Variants in FILIP1 observed in about 807,000 individuals in gnomAD.
The protein encoded by FILIP1 is filamin A interacting protein 1.
A neutral mutation model predicts 102.1 loss-of-function variants in FILIP1; 61 were observed. The ratio of observed to expected loss-of-function variants is 0.60; its 90% CI spans 0.49 to 0.74. The LOEUF is 0.74. Among genes scored for constraint, FILIP1 ranks in the 30% least tolerant of loss-of-function variants. The pLI is 0.00. For missense variants in FILIP1, 1,314 were observed against 1,441.2 expected, an observed-to-expected ratio of 0.91 and a Z score of 1.43; for synonymous variants, 491 against 526.9, an observed-to-expected ratio of 0.93 and a Z score of 0.93.
intron 1 of FILIP1, among the ~76,000 whole-genome samples, chr6:75,420,288 GA>G (rs933918764): frequency 3.0e-4 from 42 of 137,862 alleles, no homozygotes; most frequent in Middle Eastern, 3.8e-3. Flanking sequence ...AAAATTTCCA[GA>G]AAAAAAAAAA....
intron 4 of FILIP1, among the ~76,000 whole-genome samples, chr6:75,322,175 C>T (rs2149565145): frequency 6.6e-6 from 1 of 152,238 alleles, no homozygotes; most frequent in Non-Finnish European, 1.5e-5. Flanking sequence ...TAGCATGTAT[C>T]TATTCACAAA....
At chr6:75,378,965 C>T (rs775547290) in intron 2 of FILIP1, among the ~76,000 whole-genome samples, 1 of 152,060 alleles carries the variant, frequency 6.6e-6, no homozygotes, top group Non-Finnish European at 1.5e-5. Flanking sequence ...AACACATGAC[C>T]CTCATTTCAA....
At chr6:75,417,544 T>C (rs895167944) in intron 1 of FILIP1, among the ~76,000 whole-genome samples, 2 of 152,244 alleles carry the variant, frequency 1.3e-5, no homozygotes, top group African/African-American at 2.4e-5. Context: ...GACTTGCATG[T>C]GTCACATTTA....
intron 1 of FILIP1, among the ~76,000 whole-genome samples, chr6:75,429,217 C>T (rs1345370464): frequency 1.3e-5 from 2 of 152,154 alleles, no homozygotes; most frequent in Non-Finnish European, 2.9e-5. Context: ...GCCAGCATCA[C>T]TGTTTATTAT....
intron 1 of FILIP1, among the ~76,000 whole-genome samples, chr6:75,437,663 C>T (rs1056452862): frequency 6.6e-6 from 1 of 152,308 alleles, no homozygotes; most frequent in Admixed American, 6.5e-5. Flanking sequence ...TCTAATGCAT[C>T]TCTAATGGAA....
At position 75,454,864 on chromosome 6, in the gene FILIP1, C is replaced by T. The variant is rs191061397; in HGVS notation, c.-7+38550G>A. On this transcript the variant is annotated intron_variant, in intron 1 of 5. Coordinates refer to ENST00000237172, the MANE Select transcript of FILIP1 (RefSeq NM_015687.5). ...TCTTTGTCCTAACATCAGCCAGACA[C>T]TGAAGAACCAAGGAACAAGAAATGT... The T allele has an allele frequency of 4.5e-4, 69 of 152,246 alleles. 1 individual carries two copies. The East Asian group carries it at 7.7e-3, about 17-fold the overall frequency. The allele number at this position is 152,246 out of a possible 1,614,324, so 9.4% of individuals were successfully genotyped here.
intron 4 of FILIP1, among the ~76,000 whole-genome samples, chr6:75,336,144 A>G (rs1774235338): frequency 6.6e-6 from 1 of 152,182 alleles, no homozygotes; most frequent in African/African-American, 2.4e-5. Flanking sequence ...GACATTGAAG[A>G]AGAAAACAAG....
rs544470996 is a variant in FILIP1, at chr6:75,441,702, C to T, written c.-6-26724G>A. On this transcript the variant is annotated intron_variant, in intron 1 of 5. Transcript: ENST00000237172. Reference sequence around the variant, plus strand: ...CTCCCTGACGGGGCGGCTGGCCGGGCGGGGGACTGACCCCCCCACCTCCCT... The same window carrying T: ...CTCCCTGACGGGGCGGCTGGCCGGGTGGGGGACTGACCCCCCCACCTCCCT... Among the ~76,000 whole-genome samples the T allele has an allele frequency of 4.9e-5, 7 of 142,658 alleles. No individual in the cohort carries two copies. In the South Asian group the frequency reaches 8.9e-4, roughly 18 times the overall value. The allele number at this position is 142,658 out of a possible 152,430, so 93.6% of individuals were successfully genotyped here. A position where few individuals can be genotyped will look rare whatever the true frequency, so the allele number is the denominator to read the frequency against.
intron 3 of FILIP1, among the ~76,000 whole-genome samples, chr6:75,356,942 A>G (rs946690579): frequency 2.0e-5 from 3 of 152,198 alleles, no homozygotes; most frequent in African/African-American, 7.2e-5. Flanking sequence ...ATCATCAAAA[A>G]TGTAGAAAAA....
At chr6:75,463,014 T>C (rs1476922065) in intron 1 of FILIP1, among the ~76,000 whole-genome samples, 1 of 152,180 alleles carries the variant, frequency 6.6e-6, no homozygotes, top group African/African-American at 2.4e-5. Flanking sequence ...GTCTTCACAG[T>C]GGCCACAGAA....
intron 1 of FILIP1, among the ~76,000 whole-genome samples, chr6:75,451,568 G>A (rs1778632600): frequency 2.6e-5 from 4 of 151,550 alleles, no homozygotes; most frequent in South Asian, 4.2e-4. Context: ...CAGTGGCTCC[G>A]GCCTGTTATC....
chr6:75,482,485 G>A (rs183164896), intron 1 of FILIP1, among the ~76,000 whole-genome samples: 42 of 152,210 alleles, frequency 2.8e-4, no homozygotes, highest in African/African-American at 9.1e-4. Context: ...TGTGGTTTTG[G>A]GTTAGTAGCT....
Position 75,319,074 on chromosome 6 carries a change from TTCC to T in FILIP1, c.630-3875_630-3873del, listed in dbSNP as rs1306557571. On this transcript the variant is annotated intron_variant, in intron 4 of 5. Coordinates refer to ENST00000237172, the MANE Select transcript of FILIP1 (RefSeq NM_015687.5). Reference sequence around the variant, plus strand: ...CTTCATCTTCATCTTCTTCACCTTCTTCCTCCTCTTCATCCTCTTCATCTTCCT... The same window carrying T: ...CTTCATCTTCATCTTCTTCACCTTCTTCCTCTTCATCCTCTTCATCTTCCT... 1.8e-4 allele frequency: 130 copies of T among 739,572 alleles called. 2 individuals are homozygous for T. The highest frequency in any genetic ancestry group is 1.3e-3 in the African/African-American group (75 of 57,364). 45.8% of individuals were successfully genotyped at this position (739,572 alleles called of 1,614,324 possible). A position where few individuals can be genotyped will look rare whatever the true frequency, so the allele number is the denominator to read the frequency against.
chr6:75,477,573 A>C (rs1406138695), intron 1 of FILIP1, among the ~76,000 whole-genome samples: 1 of 151,886 alleles, frequency 6.6e-6, no homozygotes, highest in Non-Finnish European at 1.5e-5. Context: ...TTAATAATTT[A>C]AAATATTTTA....
At chr6:75,367,563 G>C (rs1396809028) in intron 2 of FILIP1, 3 of 152,164 alleles carry the variant, frequency 2.0e-5, no homozygotes, top group African/African-American at 7.2e-5. Flanking sequence ...TTGAACCCAG[G>C]AGGCGGAGGT....
intron 4 of FILIP1, among the ~76,000 whole-genome samples, chr6:75,343,227 C>T (rs1460239222): frequency 6.6e-6 from 1 of 152,186 alleles, no homozygotes; most frequent in East Asian, 1.9e-4. Flanking sequence ...CACCAGAACC[C>T]AACAATTCTG....
intron 2 of FILIP1, among the ~76,000 whole-genome samples, chr6:75,383,638 T>C (rs1333582262): frequency 6.6e-6 from 1 of 152,226 alleles, no homozygotes; most frequent in African/African-American, 2.4e-5. Context: ...GATATACAAA[T>C]GTAGTAGTAA....
At chr6:75,487,303 A>G (rs1779815551) in intron 1 of FILIP1, among the ~76,000 whole-genome samples, 1 of 152,130 alleles carries the variant, frequency 6.6e-6, no homozygotes, top group Non-Finnish European at 1.5e-5. Context: ...GTTTTCCATT[A>G]GTGTGTGTTG....
At chr6:75,372,619 GAA>G (rs200355221) in intron 2 of FILIP1, among the ~76,000 whole-genome samples, 2,275 of 33,252 alleles carry the variant, frequency 0.068, 17 homozygotes, top group Non-Finnish European at 0.11. Context: ...AAGAAAGAAA[GAA>G]AAAGAAAGAA....
Sources: allele counts gnomAD v4.1 joint callset (sites outside exome capture counted in the v4.1 genomes callset), GRCh38; gene constraint gnomAD v4.1.1; transcripts MANE v1.5; gene names NCBI Gene and HGNC (gene_info 2026-07-23, HGNC 2026-07-21).